IL15: variants seen among roughly 807,000 people sequenced by gnomAD.
The protein encoded by IL15 is interleukin 15.
Under a neutral mutation model 19.6 loss-of-function variants are expected in IL15, and 11 were observed. The ratio of observed to expected loss-of-function variants is 0.56; its 90% CI spans 0.35 to 0.93. IL15 has a LOEUF of 0.93. IL15 is among the 40% of genes least tolerant of loss of function. IL15 has a pLI of 0.01. For missense variants in IL15, 197 were observed against 186.5 expected (o/e 1.06, Z -0.33); for synonymous variants, 58 against 59.6 (o/e 0.97, Z 0.12).
At chr4:141,642,627 C>G (rs934534256) in intron 1 of IL15, among the ~76,000 whole-genome samples, 1 of 152,186 alleles carries the variant, frequency 6.6e-6, no homozygotes, top group Admixed American at 6.5e-5. Flanking sequence ...AGTGCAGTCT[C>G]CTCTTCTAGC....
intron 2 of IL15, among the ~76,000 whole-genome samples, chr4:141,695,427 A>C (rs574328014): frequency 2.6e-4 from 39 of 152,006 alleles, no homozygotes; most frequent in African/African-American, 9.2e-4. Flanking sequence ...TTTTATGACT[A>C]AATAGCATTC....
chr4:141,689,238 G>A (rs61098551), intron 2 of IL15, among the ~76,000 whole-genome samples: 2,119 of 152,228 alleles, frequency 0.014, 65 homozygotes, highest in African/African-American at 0.049. Flanking sequence ...AGTGTGGAAG[G>A]GGACCTGAGC....
rs1730500325 is a variant in IL15, at chr4:141,732,936, G to A, written c.*88G>A. On this transcript the variant is annotated 3_prime_UTR_variant, in exon 8 of 8. Transcript: ENST00000320650. ...TAACAAAACACTCGGCATTTCAAATGTGCTGTCAAAACAAGTTTTTCTGTC... is the reference window on the plus strand; with the variant it reads ...TAACAAAACACTCGGCATTTCAAATATGCTGTCAAAACAAGTTTTTCTGTC... The A allele has an allele frequency of 6.6e-7, 1 of 1,505,238 alleles. No homozygotes were observed. The highest frequency in any genetic ancestry group is 2.5e-5 in the Admixed American group (1 of 39,552). 93.2% of individuals were successfully genotyped at this position (1,505,238 alleles called of 1,614,324 possible).
chr4:141,707,653 C>T (rs959539863), intron 2 of IL15, among the ~76,000 whole-genome samples: 2 of 152,128 alleles, frequency 1.3e-5, no homozygotes, highest in Non-Finnish European at 2.9e-5. Context: ...GTTTCTTTGG[C>T]TGTAATACTC....
At chr4:141,714,426 C>T (rs1036676798) in intron 2 of IL15, among the ~76,000 whole-genome samples, 2 of 152,132 alleles carry the variant, frequency 1.3e-5, no homozygotes, top group Admixed American at 1.3e-4. Context: ...CCACTTACCA[C>T]CTGCAACAAC....
intron 5 of IL15, among the ~76,000 whole-genome samples, chr4:141,726,247 A>C (rs928343673): frequency 6.6e-6 from 1 of 152,166 alleles, no homozygotes; most frequent in Non-Finnish European, 1.5e-5. Context: ...AGAAAAAAAT[A>C]AATAAAAGGC....
Position 141,647,844 on chromosome 4 carries a change from T to C in IL15, c.-221-8342T>C, listed in dbSNP as rs149374536. Among the ~76,000 whole-genome samples the C allele has an allele frequency of 1.8e-3, 269 of 152,170 alleles. 1 individual carries two copies. Among genetic ancestry groups the C allele is most frequent in the African/African-American group, 6.1e-3 (255 of 41,532 alleles). ...TTTCCTTTGTGTGTTCTCCACCTGA[T>C]AGATACTTCTCTCATAGTATCTGCA... On this transcript the variant is annotated intron_variant, in intron 1 of 7. Coordinates refer to ENST00000320650, the MANE Select transcript of IL15 (RefSeq NM_000585.5).
At chr4:141,699,028 ACTATTATCATTC>A (rs1305423785) in intron 2 of IL15, among the ~76,000 whole-genome samples, 4 of 152,138 alleles carry the variant, frequency 2.6e-5, no homozygotes. Context: ...AAGTTGTGCC[ACTATTATCATTC>A]CTTTCAAAGG....
intron 2 of IL15, chr4:141,704,563 T>C: frequency 2.8e-6 from 1 of 361,494 alleles, no homozygotes. Context: ...CATTATAAAA[T>C]AAGTTTAAAA....
chr4:141,637,987 A>C (rs998059403), intron 1 of IL15, among the ~76,000 whole-genome samples: 1 of 152,184 alleles, frequency 6.6e-6, no homozygotes, highest in Non-Finnish European at 1.5e-5. Context: ...CACTTTTGGA[A>C]GGCCGAGGCG....
intron 1 of IL15, among the ~76,000 whole-genome samples, chr4:141,652,642 G>C (rs954362534): frequency 6.6e-6 from 1 of 152,106 alleles, no homozygotes; most frequent in Admixed American, 6.6e-5. Context: ...TGGAACAAGA[G>C]ATGCCAGAGG....
intron 1 of IL15, among the ~76,000 whole-genome samples, chr4:141,643,259 GC>G (rs1727113318): frequency 6.6e-6 from 1 of 151,980 alleles, no homozygotes. Flanking sequence ...ATGTAGCCAT[GC>G]TATAACTTCT....
At chr4:141,666,113 T>TTTATTTATTTATTTAA (rs1326844974) in intron 2 of IL15, among the ~76,000 whole-genome samples, 1 of 150,596 alleles carries the variant, frequency 6.6e-6, no homozygotes, top group African/African-American at 2.4e-5. Flanking sequence ...TATTTATTTA[T>TTTATTTATTTATTTAA]TTTTTGAGAC....
At chr4:141,716,728 A>G (rs1341311278) in intron 2 of IL15, 2 of 152,260 alleles carry the variant, frequency 1.3e-5, no homozygotes, top group African/African-American at 4.8e-5. Context: ...TGAGACTCCA[A>G]CCCATGACAG....
chr4:141,650,460 T>G (rs554599497), intron 1 of IL15, among the ~76,000 whole-genome samples: 1 of 152,110 alleles, frequency 6.6e-6, no homozygotes, highest in Admixed American at 6.6e-5. Flanking sequence ...CAGAGCCCTT[T>G]TGAAATTGAA....
rs912598008 is a variant in IL15, at chr4:141,653,759, C to T, written c.-221-2427C>T. Among the ~76,000 whole-genome samples the T allele has an allele frequency of 3.0e-4, 46 of 152,112 alleles. 1 individual carries two copies. Among genetic ancestry groups the T allele is most frequent in the Admixed American group, 1.9e-3 (29 of 15,268 alleles). On this transcript the variant is annotated intron_variant, in intron 1 of 7. Coordinates refer to ENST00000320650, the MANE Select transcript of IL15 (RefSeq NM_000585.5). ...GGTTTTTTCCATTCTTTTGCTATTA[C>T]AGGAAATATTCACATGAGTAATTTC...
At chr4:141,638,277 T>C (rs1254430229) in intron 1 of IL15, among the ~76,000 whole-genome samples, 8 of 152,222 alleles carry the variant, frequency 5.3e-5, no homozygotes, top group Admixed American at 5.2e-4. Flanking sequence ...AGTTAACAAG[T>C]ATCATAGAGA....
chr4:141,702,344 A>G (rs997367254), intron 2 of IL15, among the ~76,000 whole-genome samples: 1 of 152,194 alleles, frequency 6.6e-6, no homozygotes, highest in African/African-American at 2.4e-5. Context: ...GCCACCCAGT[A>G]GGGCTACCAG....
intron 1 of IL15, among the ~76,000 whole-genome samples, chr4:141,650,833 A>G (rs1727379599): frequency 6.6e-6 from 1 of 152,122 alleles, no homozygotes; most frequent in East Asian, 1.9e-4. Flanking sequence ...TTTAAAGACA[A>G]GGTAACTGAC....
Sources: gnomAD v4.1 joint callset for allele counts (sites outside exome capture counted in the v4.1 genomes callset) on GRCh38, gnomAD v4.1.1 for gene constraint, MANE v1.5 for transcripts, NCBI Gene and HGNC (gene_info 2026-07-23, HGNC 2026-07-21) for gene names.